The following LRP8 variants were observed in gnomAD, a reference collection of about 807,000 sequenced individuals.
The protein encoded by LRP8 is LDL receptor related protein 8, also known as low-density lipoprotein receptor-related protein 8.
LRP8 carries 46 observed loss-of-function variants against 111.6 expected under a neutral mutation model. The ratio of observed to expected loss-of-function variants is 0.41; its 90% confidence interval spans 0.33 to 0.53. LRP8 has a LOEUF of 0.53. Ranked by LOEUF, LRP8 falls within the 20% of genes least tolerant of loss-of-function variation. LRP8 has a pLI of 0.20. For missense variants in LRP8, 959 were observed against 1,297.4 expected (o/e 0.74, Z 4.01); for synonymous variants, 464 against 511.2 (o/e 0.91, Z 1.24).
intron 2 of LRP8, among the ~76,000 whole-genome samples, chr1:53,310,228 C>T (rs74559401): frequency 0.012 from 1,888 of 152,148 alleles, 38 homozygotes; most frequent in African/African-American, 0.043. Flanking sequence ...GGGGCAGATT[C>T]CACCTCCAGA....
intron 2 of LRP8, among the ~76,000 whole-genome samples, chr1:53,295,240 G>A (rs1649481427): frequency 6.6e-6 from 1 of 152,226 alleles, no homozygotes; most frequent in Admixed American, 6.5e-5. Flanking sequence ...AGCTGTGGGA[G>A]TGAAGAGAGC....
intron 3 of LRP8, among the ~76,000 whole-genome samples, chr1:53,285,736 C>T (rs558902545): frequency 3.3e-5 from 5 of 152,262 alleles, no homozygotes; most frequent in South Asian, 2.1e-4. Context: ...CATGGTCCAC[C>T]GCGATGCAGA....
At chr1:53,314,032 C>T (rs1021498436) in intron 2 of LRP8, among the ~76,000 whole-genome samples, 2 of 152,078 alleles carry the variant, frequency 1.3e-5, no homozygotes, top group African/African-American at 2.4e-5. Flanking sequence ...TTCTTCCTTC[C>T]CCTATTCAAG....
intron 16 of LRP8, among the ~76,000 whole-genome samples, chr1:53,253,970 C>T (rs1055155705): frequency 2.0e-5 from 3 of 151,926 alleles, no homozygotes; most frequent in Non-Finnish European, 2.9e-5. Flanking sequence ...TTTTTTTCTT[C>T]CCTGGATCCT....
At chr1:53,313,598 G>C (rs1653383746) in intron 2 of LRP8, among the ~76,000 whole-genome samples, 1 of 152,206 alleles carries the variant, frequency 6.6e-6, no homozygotes, top group South Asian at 2.1e-4. Flanking sequence ...CCCTGGAAAT[G>C]GTGACTCCAG....
At chr1:53,248,263 T>A (rs1247047300) in intron 18 of LRP8, among the ~76,000 whole-genome samples, 1 of 152,248 alleles carries the variant, frequency 6.6e-6, no homozygotes, top group Non-Finnish European at 1.5e-5. Context: ...GTAGTTTTTT[T>A]ATGAATGCAA....
Position 53,275,182 on chromosome 1 carries a change from A to G in LRP8, c.1006+449T>C, listed in dbSNP as rs74476441. Among the ~76,000 whole-genome samples the G allele has an allele frequency of 0.023, 3,548 of 152,282 alleles. 52 individuals carry two copies. Among genetic ancestry groups the G allele is most frequent in the Non-Finnish European group, 0.033 (2,239 of 68,010 alleles). Reference sequence around the variant, plus strand: ...TGGACCCCGGATAGGGGAAGTTGCTACACTGCCCAGCCTGTTATCCATTCC... The same window carrying G: ...TGGACCCCGGATAGGGGAAGTTGCTGCACTGCCCAGCCTGTTATCCATTCC... On this transcript the variant is annotated intron_variant, in intron 6 of 18. Coordinates refer to ENST00000306052, the MANE Select transcript of LRP8 (RefSeq NM_004631.5). This position sits in a 1 kb window ranked among gnomAD's most constrained non-coding sequence, Gnocchi z 4.4.
At chr1:53,309,980 G>A (rs1219721284) in intron 2 of LRP8, among the ~76,000 whole-genome samples, 3 of 151,952 alleles carry the variant, frequency 2.0e-5, no homozygotes, top group African/African-American at 7.3e-5. Flanking sequence ...GAGTCCCCAC[G>A]CCCCCAGCCA....
intron 9 of LRP8, among the ~76,000 whole-genome samples, chr1:53,265,369 TC>T (rs1246196902): frequency 1.3e-5 from 2 of 152,102 alleles, no homozygotes; most frequent in African/African-American, 4.8e-5. Flanking sequence ...ACTCAATATG[TC>T]CAAAACTGTT....
intron 3 of LRP8, chr1:53,288,188 C>T (rs972940125): frequency 3.3e-5 from 5 of 152,468 alleles, no homozygotes; most frequent in Non-Finnish European, 5.9e-5. Context: ...CAAGCACACA[C>T]TCCAGGCTGC....
In LRP8 at chr1:53,260,524, C is replaced by A; in HGVS notation, c.1996G>T (p.Ala666Ser). 2 of 1,614,176 alleles carry A rather than the reference C, an allele frequency of 1.2e-6. No homozygotes were observed. The highest frequency in any genetic ancestry group is 2.7e-5 in the African/African-American group (2 of 75,048). ...RLNGLEISILAENLNNPHDIV... is the reference protein window; with the variant it reads ...RLNGLEISILSENLNNPHDIV... ...TCATGTGGGTTGTTGAGGTTCTCAGCCAGGATGGAGATTTCCAGGCCATTG... is the reference window on the plus strand; with the variant it reads ...TCATGTGGGTTGTTGAGGTTCTCAGACAGGATGGAGATTTCCAGGCCATTG... The change falls in exon 13 of 19, where the codon GCT becomes TCT. Residue 666 changes from alanine (A) to serine (S), a missense_variant. By Grantham distance (99) the Ala-to-Ser change is moderately conservative. Transcript: ENST00000306052.
In LRP8 at chr1:53,249,418, TCGGGA is replaced by T. The variant is rs1275620058; in HGVS notation, c.2810_2814del (p.Leu937GlnfsTer20). ...ACAGGCAGCTCGGAAAGAGGGTTCT[TCGGGA>T]GTTGGTGCAGCTGTGACCTTGGTTC... On this transcript the variant is annotated frameshift_variant, in exon 18 of 19. Coordinates refer to ENST00000306052, the MANE Select transcript of LRP8 (RefSeq NM_004631.5). LOFTEE classifies it high-confidence loss of function. This position sits in a 1 kb window ranked among gnomAD's most constrained non-coding sequence, Gnocchi z 4.1. 1 of 1,614,196 alleles carries T rather than the reference TCGGGA, an allele frequency of 6.2e-7. No individual in the cohort carries two copies.
At chr1:53,308,074 G>T (rs1176928484) in intron 2 of LRP8, among the ~76,000 whole-genome samples, 2 of 152,210 alleles carry the variant, frequency 1.3e-5, no homozygotes, top group Non-Finnish European at 2.9e-5. Context: ...CAGGATGCAG[G>T]GCGCTCAGTC....
At chr1:53,301,342 C>T (rs1650811154) in intron 2 of LRP8, among the ~76,000 whole-genome samples, 3 of 152,192 alleles carry the variant, frequency 2.0e-5, no homozygotes, top group East Asian at 1.9e-4. Flanking sequence ...CCCAGTCCCT[C>T]GGCCTGGCTC....
intron 2 of LRP8, among the ~76,000 whole-genome samples, chr1:53,313,629 A>T (rs1375640287): frequency 1.3e-5 from 2 of 152,170 alleles, no homozygotes; most frequent in East Asian, 3.9e-4. Flanking sequence ...AGGCCGGACA[A>T]GCAGAGATGG....
chr1:53,265,821 C>T (rs1210961493), intron 9 of LRP8, among the ~76,000 whole-genome samples: 1 of 152,226 alleles, frequency 6.6e-6, no homozygotes, highest in Non-Finnish European at 1.5e-5. Flanking sequence ...AAAGAAAGGA[C>T]ATGACTGCCT....
chr1:53,326,783 C>G, intron 2 of LRP8, 90 bp downstream of exon 2: 2 of 1,505,242 alleles, frequency 1.3e-6, no homozygotes, highest in Non-Finnish European at 1.8e-6. Flanking sequence ...GGTGGCAGCG[C>G]GGCGGCTGCA....
At chr1:53,296,665 A>T (rs1649780363) in intron 2 of LRP8, among the ~76,000 whole-genome samples, 1 of 152,150 alleles carries the variant, frequency 6.6e-6, no homozygotes, top group Admixed American at 6.5e-5. Context: ...CTACTATTAA[A>T]CTGTCACCCC....
At chr1:53,276,669 T>C in intron 5 of LRP8, 23 bp downstream of exon 5, 1 of 1,515,180 alleles carries the variant, frequency 6.6e-7, no homozygotes, top group Non-Finnish European at 8.8e-7. Context: ...TGGGCGGGGC[T>C]GGGCGGTATG....
Sources: gnomAD v4.1 joint callset for allele counts (sites outside exome capture counted in the v4.1 genomes callset) on GRCh38, gnomAD v4.1.1 for gene constraint, Gnocchi (gnomAD v3.1) non-coding constraint, MANE v1.5 for transcripts, NCBI Gene and HGNC (gene_info 2026-07-23, HGNC 2026-07-21) for gene names.